TENM2: variants seen among roughly 807,000 people sequenced by gnomAD.
TENM2 encodes the protein teneurin-2.
TENM2 carries 52 observed loss-of-function variants against 245.2 expected under a neutral mutation model. That is an observed-to-expected ratio of 0.21 (90% confidence interval 0.17 to 0.27). The LOEUF is 0.27. TENM2 is among the 10% of genes least tolerant of loss of function. The pLI is 1.00. For synonymous variants in TENM2, 1,363 were observed against 1,438.9 expected, an observed-to-expected ratio of 0.95 and a Z score of 1.19; for missense variants, 3,046 against 3,666.8, an observed-to-expected ratio of 0.83 and a Z score of 4.37.
intron 2 of TENM2, among the ~76,000 whole-genome samples, chr5:167,860,440 G>A (rs1583210969): frequency 2.5e-5 from 3 of 118,164 alleles, no homozygotes; most frequent in African/African-American, 1.2e-4. Context: ...CCCCCTGCCC[G>A]GCCAGCCGCC....
At chr5:166,981,399 A>T in the TENM2 span, among the ~76,000 whole-genome samples, 1 of 152,188 alleles carries the variant, frequency 6.6e-6, no homozygotes, top group African/African-American at 2.4e-5. Flanking sequence ...TCTTTGAGTG[A>T]AGCATTTGTT....
intron 4 of TENM2, among the ~76,000 whole-genome samples, chr5:167,969,530 T>C (rs1456389396): frequency 6.6e-6 from 1 of 152,202 alleles, no homozygotes; most frequent in East Asian, 1.9e-4. Context: ...GATGTTCTTG[T>C]CCCCTTTCAA....
chr5:167,098,624 A>C, the TENM2 span, among the ~76,000 whole-genome samples: 7 of 152,196 alleles, frequency 4.6e-5, no homozygotes, highest in Non-Finnish European at 1.0e-4. Flanking sequence ...GTGAGACTTT[A>C]TCTGAGATGA....
At chr5:167,077,260 A>C in the TENM2 span, among the ~76,000 whole-genome samples, 1 of 152,242 alleles carries the variant, frequency 6.6e-6, no homozygotes, top group Non-Finnish European at 1.5e-5. Context: ...GTGGTGTTTA[A>C]ACTTAACAAT....
chr5:167,003,679 A>C, the TENM2 span, among the ~76,000 whole-genome samples: 1 of 152,138 alleles, frequency 6.6e-6, no homozygotes, highest in Non-Finnish European at 1.5e-5. Context: ...GAGCAATTTG[A>C]AGATGTGTAT....
chr5:167,349,665 A>G (rs1758698325), intron 1 of TENM2, among the ~76,000 whole-genome samples: 1 of 152,196 alleles, frequency 6.6e-6, no homozygotes. Context: ...CACACAGAAT[A>G]TGCAGTATAT....
At chr5:167,809,666 C>G (rs1766483283) in intron 2 of TENM2, among the ~76,000 whole-genome samples, 1 of 152,038 alleles carries the variant, frequency 6.6e-6, no homozygotes, top group Non-Finnish European at 1.5e-5. Flanking sequence ...CAGAAATGTG[C>G]TTGTGTTGGC....
chr5:167,211,306 T>C, the TENM2 span, among the ~76,000 whole-genome samples: 1 of 152,202 alleles, frequency 6.6e-6, no homozygotes, highest in Non-Finnish European at 1.5e-5. Context: ...AGATAAAATA[T>C]ATGTGATAGT....
chr5:167,521,761 A>G (rs1770770720), intron 2 of TENM2, among the ~76,000 whole-genome samples: 1 of 152,252 alleles, frequency 6.6e-6, no homozygotes. Context: ...TTGACCACCT[A>G]AGGCTTAGAA....
At chr5:167,442,682 AT>A (rs1261293583) in intron 2 of TENM2, among the ~76,000 whole-genome samples, 1 of 152,194 alleles carries the variant, frequency 6.6e-6, no homozygotes, top group East Asian at 1.9e-4. Context: ...ATGAAAATTG[AT>A]TTTAAAAAGA....
At chr5:167,986,725 G>T (rs1192566281) in intron 4 of TENM2, among the ~76,000 whole-genome samples, 1 of 152,120 alleles carries the variant, frequency 6.6e-6, no homozygotes, top group Non-Finnish European at 1.5e-5. Context: ...TTCCATGACC[G>T]ACCGCTGGGA....
At chr5:167,199,190 C>T in the TENM2 span, among the ~76,000 whole-genome samples, 5 of 151,386 alleles carry the variant, frequency 3.3e-5, no homozygotes, top group Non-Finnish European at 5.9e-5. Flanking sequence ...ACTATCTGGG[C>T]GCTGCTACTG....
intron 2 of TENM2, among the ~76,000 whole-genome samples, chr5:167,743,119 GTCT>G (rs1051454495): frequency 5.3e-5 from 8 of 152,158 alleles, no homozygotes; most frequent in African/African-American, 1.9e-4. Flanking sequence ...GTTGTCTTTT[GTCT>G]TTTAGTATAA....
chr5:167,733,815 A>G (rs1760602985), intron 2 of TENM2, among the ~76,000 whole-genome samples: 2 of 152,188 alleles, frequency 1.3e-5, no homozygotes, highest in African/African-American at 4.8e-5. Context: ...GTGTATCTTA[A>G]TGGAAGCGGC....
At chr5:167,495,040 T>G (rs2127548095) in intron 2 of TENM2, among the ~76,000 whole-genome samples, 1 of 152,204 alleles carries the variant, frequency 6.6e-6, no homozygotes, top group Middle Eastern at 3.4e-3. Flanking sequence ...CTTTTTAATA[T>G]AAAGTTTTTA....
intron 2 of TENM2, among the ~76,000 whole-genome samples, chr5:167,452,521 C>T (rs1328295354): frequency 6.6e-6 from 1 of 152,124 alleles, no homozygotes; most frequent in Non-Finnish European, 1.5e-5. Flanking sequence ...TTTTCCATTG[C>T]ATCAGTGACA....
Position 168,246,675 on chromosome 5 carries a change from G to A in TENM2, c.5818-82G>A, listed in dbSNP as rs1220623509. On this transcript the variant is annotated intron_variant, in intron 26 of 28. Transcript: ENST00000518659. The stretch of plus-strand genomic sequence containing the variant: ...CATGACTTTTGAGTTGACATTTGGG[G>A]AAATGGACTAAATTCTGTCTGTTTG... 6.6e-6 allele frequency: 9 copies of A among 1,358,066 alleles called. No individual in the cohort carries two copies. In the East Asian group the frequency reaches 2.1e-4, roughly 31 times the overall value. The allele number at this position is 1,358,066 out of a possible 1,614,324, so 84.1% of individuals were successfully genotyped here. A position where few individuals can be genotyped will look rare whatever the true frequency, so the allele number is the denominator to read the frequency against.
intron 2 of TENM2, among the ~76,000 whole-genome samples, chr5:167,734,348 A>G (rs1213269655): frequency 6.6e-5 from 10 of 152,022 alleles, no homozygotes; most frequent in Admixed American, 6.5e-4. Context: ...AAAAAATAAT[A>G]TGAGAAATAT....
At chr5:167,054,736 G>T in the TENM2 span, among the ~76,000 whole-genome samples, 7 of 152,068 alleles carry the variant, frequency 4.6e-5, no homozygotes, top group Non-Finnish European at 1.0e-4. Context: ...AGTAAGTGCA[G>T]AATAGTATCC....
Sources: allele counts gnomAD v4.1 joint callset (sites outside exome capture counted in the v4.1 genomes callset), GRCh38; gene constraint gnomAD v4.1.1; transcripts MANE v1.5; gene names NCBI Gene and HGNC (gene_info 2026-07-23, HGNC 2026-07-21).